The following DPYSL2 variants were observed in gnomAD, a reference collection of about 807,000 sequenced individuals.
DPYSL2 encodes the protein dihydropyrimidinase like 2.
DPYSL2 carries 13 observed loss-of-function variants against 69.9 expected under a neutral mutation model. The observed-to-expected ratio is 0.19, with a 90% CI of 0.12 to 0.30. The LOEUF (loss-of-function observed/expected upper bound fraction) is 0.30. DPYSL2 is among the 10% of genes least tolerant of loss of function. DPYSL2 has a pLI of 1.00. For synonymous variants in DPYSL2, 326 were observed against 359.1 expected (o/e 0.91, Z 1.04); for missense variants, 587 against 918.9 (o/e 0.64, Z 4.67).
intron 1 of DPYSL2, among the ~76,000 whole-genome samples, chr8:26,518,147 C>T (rs536288227): frequency 5.3e-5 from 8 of 152,326 alleles, no homozygotes; most frequent in African/African-American, 1.7e-4. Flanking sequence ...CCCCAGAGAT[C>T]CGTGTCTGAT....
intron 1 of DPYSL2, among the ~76,000 whole-genome samples, chr8:26,544,032 T>C (rs1800725361): frequency 8.7e-6 from 1 of 115,420 alleles, no homozygotes; most frequent in Non-Finnish European, 1.8e-5. Context: ...TAAGCATCTA[T>C]AGTACTTAGC....
intron 1 of DPYSL2, among the ~76,000 whole-genome samples, chr8:26,534,794 G>C (rs1309006576): frequency 1.3e-5 from 2 of 151,994 alleles, no homozygotes; most frequent in Admixed American, 6.6e-5. Flanking sequence ...CACCATGCCA[G>C]GCTAATTTTT....
chr8:26,551,393 T>C (rs1800872350), intron 1 of DPYSL2, among the ~76,000 whole-genome samples: 1 of 152,170 alleles, frequency 6.6e-6, no homozygotes, highest in Non-Finnish European at 1.5e-5. Flanking sequence ...TATAACAATC[T>C]TTACTGTATA....
intron 1 of DPYSL2, among the ~76,000 whole-genome samples, chr8:26,537,156 T>C (rs1370463543): frequency 3.3e-5 from 5 of 152,202 alleles, no homozygotes; most frequent in Non-Finnish European, 7.4e-5. Flanking sequence ...AGGTAATTCC[T>C]ACAGAGTTGG....
At chr8:26,534,869 G>A (rs894671737) in intron 1 of DPYSL2, among the ~76,000 whole-genome samples, 16 of 152,102 alleles carry the variant, frequency 1.1e-4, no homozygotes, top group Non-Finnish European at 1.9e-4. Context: ...CTGACCTCAA[G>A]TAATCTTCCC....
intron 1 of DPYSL2, among the ~76,000 whole-genome samples, chr8:26,561,351 C>A (rs1378692108): frequency 6.6e-6 from 1 of 152,172 alleles, no homozygotes; most frequent in African/African-American, 2.4e-5. Context: ...TTTACCTCCT[C>A]CTCAGCTGGT....
intron 1 of DPYSL2, among the ~76,000 whole-genome samples, chr8:26,523,912 G>T (rs1808432723): frequency 6.6e-6 from 1 of 152,056 alleles, no homozygotes; most frequent in Non-Finnish European, 1.5e-5. Flanking sequence ...TTGTTTATTT[G>T]TTCATTTTTC....
rs771471331 is a variant in DPYSL2 at position 26,569,354 on chromosome 8, C to CAAA, written c.355-12607_355-12605dup. ...GGGTGACAGGGCAAGACCCTATCTC[C>CAAA]AAAAAAAAAACAAAAACAAAAACAA... is the stretch of plus-strand genomic sequence containing the variant. On this transcript the variant is annotated intron_variant, in intron 1 of 13. Transcript: ENST00000521913. Among the ~76,000 whole-genome samples the CAAA allele has an allele frequency of 3.4e-3, 177 of 52,154 alleles. 1 individual carries two copies. The highest frequency in any genetic ancestry group is 9.8e-3 in the South Asian group (17 of 1,740). 34.2% of individuals were successfully genotyped at this position (52,154 alleles called of 152,430 possible).
At chr8:26,527,784 A>G (rs1379264863) in intron 1 of DPYSL2, among the ~76,000 whole-genome samples, 3 of 148,714 alleles carry the variant, frequency 2.0e-5, no homozygotes, top group East Asian at 2.0e-4. Context: ...AACTGAATGT[A>G]TGGTTCTTAT....
intron 1 of DPYSL2, among the ~76,000 whole-genome samples, chr8:26,532,571 A>G (rs1800528389): frequency 6.6e-6 from 1 of 152,102 alleles, no homozygotes; most frequent in Non-Finnish European, 1.5e-5. Context: ...TCTGCTTTCT[A>G]TCTGTATGGA....
At chr8:26,577,418 GGGCTGCGC>G (rs1801375856) in intron 1 of DPYSL2, 1 of 150,256 alleles carries the variant, frequency 6.7e-6, no homozygotes, top group African/African-American at 2.4e-5. Context: ...GAGCCCTCCC[GGGCTGCGC>G]GGCGCCGGCC....
chr8:26,556,367 A>ATATATATAG (rs1800986750), intron 1 of DPYSL2, among the ~76,000 whole-genome samples: 1 of 83,818 alleles, frequency 1.2e-5, no homozygotes, highest in Non-Finnish European at 2.2e-5. Context: ...TATATATAGT[A>ATATATATAG]TATATATATA....
intron 1 of DPYSL2, among the ~76,000 whole-genome samples, chr8:26,556,354 A>ATATATATAGTATATATATATAC (rs796496998): frequency 7.1e-5 from 1 of 14,072 alleles, no homozygotes; most frequent in Non-Finnish European, 1.3e-4. Flanking sequence ...TATATATAGT[A>ATATATATAGTATATATATATAC]TATATATATA....
Position 26,533,479 on chromosome 8 carries a change from G to A in DPYSL2, c.354+18800G>A, listed in dbSNP as rs948138046. ...AAGACTTACCCCTGTGTTTTCTCCT[G>A]GATGTTTCATAGTTTTTGCTTTTAC... On this transcript the variant is annotated intron_variant, in intron 1 of 13. Coordinates refer to ENST00000521913, the MANE Select transcript of DPYSL2 (RefSeq NM_001197293.3). This position sits in a 1 kb window ranked among gnomAD's most constrained non-coding sequence, Gnocchi z 4.8. Among the ~76,000 whole-genome samples the A allele has an allele frequency of 6.6e-6, 1 of 152,184 alleles. No homozygotes were observed. The highest frequency in any genetic ancestry group is 1.9e-4 in the East Asian group (1 of 5,176).
intron 1 of DPYSL2, among the ~76,000 whole-genome samples, chr8:26,567,860 C>G (rs1024225938): frequency 5.3e-5 from 8 of 152,242 alleles, no homozygotes; most frequent in African/African-American, 1.9e-4. Context: ...TCTCTCCAGG[C>G]TCCAGTGTTA....
At chr8:26,594,511 T>C (rs993837485) in intron 3 of DPYSL2, among the ~76,000 whole-genome samples, 1 of 152,226 alleles carries the variant, frequency 6.6e-6, no homozygotes, top group African/African-American at 2.4e-5. Flanking sequence ...TATATTGATA[T>C]ATATCTATCT....
rs376625675 is a variant in DPYSL2, at chr8:26,604,854, C to T, written c.629-19289C>T. ...TTTTTGCATTTTTTTTTAGTAGAGA[C>T]GGGGTTTCACCATGTTGGCCAGGCT... On this transcript the variant is annotated intron_variant, in intron 3 of 13. Transcript: ENST00000521913. Among the ~76,000 whole-genome samples, 26 of 151,914 alleles carry T rather than the reference C, an allele frequency of 1.7e-4. No individual in the cohort carries two copies. The East Asian group carries it at 1.9e-3, about 11-fold the overall frequency.
chr8:26,538,035 A>G (rs542420080), intron 1 of DPYSL2, among the ~76,000 whole-genome samples: 2 of 152,296 alleles, frequency 1.3e-5, no homozygotes, highest in South Asian at 4.1e-4. Context: ...CATTTTTGTC[A>G]TGACTATATC....
Position 26,593,912 on chromosome 8 carries a change from G to C in DPYSL2, c.628+9929G>C, listed in dbSNP as rs1472164568. 6.6e-6 allele frequency among the ~76,000 whole-genome samples: 1 copy of C among 152,154 alleles called. No individual in the cohort carries two copies. Among genetic ancestry groups the C allele is most frequent in the Non-Finnish European group, 1.5e-5 (1 of 68,020 alleles). ...TGGAATCTTTCCTTGTGGGGAGCCT[G>C]TGAGACAAAAATCAAAAGGGCCTGA... On this transcript the variant is annotated intron_variant, in intron 3 of 13. Transcript: ENST00000521913. This position sits in a 1 kb window ranked among gnomAD's most constrained non-coding sequence, Gnocchi z 5.7.
Sources: allele counts gnomAD v4.1 joint callset (sites outside exome capture counted in the v4.1 genomes callset), GRCh38; gene constraint gnomAD v4.1.1; non-coding constraint Gnocchi (gnomAD v3.1); transcripts MANE v1.5; gene names NCBI Gene and HGNC (gene_info 2026-07-23, HGNC 2026-07-21).